Variants in AMPD3 observed in about 807,000 individuals in gnomAD.
AMPD3 encodes the protein adenosine monophosphate deaminase 3.
AMPD3 carries 57 observed loss-of-function variants against 82.3 expected under a neutral mutation model. The observed-to-expected ratio is 0.69, with a 90% confidence interval of 0.56 to 0.86. The LOEUF (loss-of-function observed/expected upper bound fraction) is 0.86, where lower values mean the gene tolerates loss of function less well. Among genes scored for constraint, AMPD3 ranks in the 40% least tolerant of loss-of-function variants. The pLI is 0.00. For missense variants in AMPD3, 870 were observed against 1,003.8 expected (o/e 0.87, Z 1.80); for synonymous variants, 381 against 394.7 (o/e 0.97, Z 0.41).
At chr11:10,474,459 G>A (rs907179411) in intron 2 of AMPD3, among the ~76,000 whole-genome samples, 1 of 152,146 alleles carries the variant, frequency 6.6e-6, no homozygotes. Flanking sequence ...GTGCTATATA[G>A]GGAAGGCCCT....
At chr11:10,455,942 C>G (rs937003093) in intron 1 of AMPD3, 2 of 985,248 alleles carry the variant, frequency 2.0e-6, no homozygotes, top group African/African-American at 1.7e-5. Flanking sequence ...TGATATCGCT[C>G]GTTGCTACTC....
intron 2 of AMPD3, among the ~76,000 whole-genome samples, chr11:10,462,095 A>G (rs1284415678): frequency 6.6e-6 from 1 of 152,154 alleles, no homozygotes; most frequent in Non-Finnish European, 1.5e-5. Flanking sequence ...ACAGCTTACT[A>G]TTTGCCGGGT....
At position 10,485,560 on chromosome 11, in the gene AMPD3, C is replaced by T. The variant is rs534960143; in HGVS notation, c.809+521C>T. Among the ~76,000 whole-genome samples, 6 of 152,224 alleles carry T rather than the reference C, an allele frequency of 3.9e-5. No homozygotes were observed. The South Asian group carries it at 1.0e-3, about 26-fold the overall frequency. ...GTGACCGGCCTCCCTGTCCCTTCTGCGTGCATAGTGTGGAGCCTCTGCTTG... is the reference window on the plus strand; with the variant it reads ...GTGACCGGCCTCCCTGTCCCTTCTGTGTGCATAGTGTGGAGCCTCTGCTTG... On this transcript the variant is annotated intron_variant, in intron 5 of 14. Coordinates refer to ENST00000396553, the MANE Select transcript of AMPD3 (RefSeq NM_001025389.2).
intron 3 of AMPD3, chr11:10,479,993 G>A (rs956387693): frequency 9.7e-5 from 96 of 985,196 alleles, no homozygotes; most frequent in Middle Eastern, 1.0e-3. Flanking sequence ...GCATTGGAAA[G>A]CAAGAGTCGA....
intron 11 of AMPD3, chr11:10,500,585 C>T: frequency 1.0e-6 from 1 of 985,082 alleles, no homozygotes. Flanking sequence ...TGTACCTGTA[C>T]ATCCCTGAGA....
intron 9 of AMPD3, chr11:10,496,552 A>G (rs1277902687): frequency 2.8e-5 from 28 of 985,232 alleles, no homozygotes; most frequent in Admixed American, 6.2e-5. Flanking sequence ...GAATGCCACC[A>G]TCCCATTCCT....
intron 1 of AMPD3, 195 bp from the exon 2 acceptor site, chr11:10,461,320 G>A: frequency 1.3e-6 from 2 of 1,574,320 alleles, no homozygotes; most frequent in Non-Finnish European, 1.7e-6. Flanking sequence ...CACCTAAGTG[G>A]CCCTACATGC....
At chr11:10,455,915 G>C (rs987207805) in intron 1 of AMPD3, 1 of 985,278 alleles carries the variant, frequency 1.0e-6, no homozygotes, top group Non-Finnish European at 1.2e-6. Flanking sequence ...CGTTCAGAAC[G>C]GAAGCAGCAA....
chr11:10,475,460 C>T (rs1436943625), intron 2 of AMPD3, among the ~76,000 whole-genome samples: 1 of 152,138 alleles, frequency 6.6e-6, no homozygotes, highest in African/African-American at 2.4e-5. Context: ...CACTCAGCTC[C>T]AACCCTCTAC....
At chr11:10,476,757 C>T (rs1294465632) in intron 2 of AMPD3, among the ~76,000 whole-genome samples, 3 of 152,180 alleles carry the variant, frequency 2.0e-5, no homozygotes, top group Admixed American at 6.5e-5. Context: ...AAGGGAGAAC[C>T]TCATCCTCAA....
intron 11 of AMPD3, 104 bp from the exon 12 acceptor site, chr11:10,501,366 T>C: frequency 1.3e-6 from 2 of 1,541,608 alleles, no homozygotes; most frequent in Non-Finnish European, 1.8e-6. Flanking sequence ...CAGCTGACCA[T>C]GGGTGGTCAT....
chr11:10,487,106 A>G, intron 5 of AMPD3, 129 bp from the exon 6 acceptor site: 3 of 1,567,602 alleles, frequency 1.9e-6, no homozygotes, highest in Non-Finnish European at 2.6e-6. Context: ...GAAAGCCAGA[A>G]CCTCCTCATT....
intron 2 of AMPD3, among the ~76,000 whole-genome samples, chr11:10,475,379 T>C (rs188051750): frequency 6.6e-5 from 10 of 152,174 alleles, no homozygotes; most frequent in African/African-American, 1.9e-4. Context: ...ACATTTGACA[T>C]GAGATTTGGG....
chr11:10,502,226 G>C, intron 12 of AMPD3: 1 of 985,428 alleles, frequency 1.0e-6, no homozygotes, highest in African/African-American at 1.7e-5. Flanking sequence ...TGGGTGGGGT[G>C]GGTGCTACAG....
At chr11:10,480,070 G>C (rs1038062633) in intron 3 of AMPD3, among the ~76,000 whole-genome samples, 1 of 152,258 alleles carries the variant, frequency 6.6e-6, no homozygotes. Context: ...CTTTCTCCCA[G>C]TCTCCTGGCT....
At chr11:10,475,525 G>A (rs1848713482) in intron 2 of AMPD3, among the ~76,000 whole-genome samples, 2 of 152,164 alleles carry the variant, frequency 1.3e-5, no homozygotes, top group Non-Finnish European at 2.9e-5. Flanking sequence ...GGGCCTAGGG[G>A]AGGTAGAATT....
At chr11:10,484,155 G>A (rs907470285) in intron 4 of AMPD3, 1 of 714,316 alleles carries the variant, frequency 1.4e-6, no homozygotes, top group Non-Finnish European at 1.7e-6. Flanking sequence ...GCTCAGAGAG[G>A]TAAAGGAGTT....
Position 10,487,344 on chromosome 11 carries a change from G to C in AMPD3, c.919G>C (p.Asp307His). 6.2e-7 allele frequency: 1 copy of C among 1,614,120 alleles called. No individual in the cohort carries two copies. ...AGAGTTGAAGAGTAACCCCCACCGG[G>C]ACTTCTATAACGTGAGAAAGGTGCG... is the stretch of plus-strand genomic sequence containing the variant. Reference protein sequence around the residue: ...FKELKSNPHRDFYNVRKVDTH... With the variant: ...FKELKSNPHRHFYNVRKVDTH... Residue 307 changes from aspartate (D) to histidine (H), a missense_variant, in exon 6 of 15, where the codon GAC (aspartate) becomes CAC (histidine). Transcript: ENST00000396553.
chr11:10,494,991 A>G lies in AMPD3; in HGVS notation c.1227A>G (p.Glu409=). The change falls in exon 8 of 15, where the codon GAA becomes GAG. Residue 409 remains glutamate, a synonymous_variant. Transcript: ENST00000396553. Reference sequence around the variant, plus strand: ...TGCGTGACCTGTATTTGAAAACTGAAAACTATCTGGGAGGAGAGTACTTTG... The same window carrying G: ...TGCGTGACCTGTATTTGAAAACTGAGAACTATCTGGGAGGAGAGTACTTTG... The part of the protein sequence containing the change: ...SELRDLYLKT[E]NYLGGEYFAR... 1.2e-6 allele frequency: 2 copies of G among 1,614,196 alleles called. No homozygotes were observed. The highest frequency in any genetic ancestry group is 1.7e-6 in the Non-Finnish European group (2 of 1,180,018).
Sources: allele counts gnomAD v4.1 joint callset (sites outside exome capture counted in the v4.1 genomes callset), GRCh38; gene constraint gnomAD v4.1.1; transcripts MANE v1.5; gene names NCBI Gene and HGNC (gene_info 2026-07-23, HGNC 2026-07-21).